PDE4B: variants seen among roughly 807,000 people sequenced by gnomAD.
The protein encoded by PDE4B is phosphodiesterase 4B.
In PDE4B, 20 loss-of-function variants were observed where a neutral mutation model predicts 82.2. That is an observed-to-expected ratio of 0.24 (90% CI 0.17 to 0.35). PDE4B has a LOEUF of 0.35. PDE4B is among the 10% of genes least tolerant of loss of function. The pLI, the probability that PDE4B is intolerant of heterozygous loss-of-function variation, is 1.00. For missense variants in PDE4B, 655 were observed against 907.2 expected, an observed-to-expected ratio of 0.72 and a Z score of 3.57; for synonymous variants, 320 against 318.9, an observed-to-expected ratio of 1.00 and a Z score of -0.04.
intron 10 of PDE4B, 139 bp downstream of exon 10, chr1:66,361,932 T>A: frequency 1.5e-6 from 1 of 647,954 alleles, no homozygotes. Context: ...ATGAAATGAC[T>A]TTACTGTGAG....
At chr1:66,250,673 A>C (rs536470258) in intron 4 of PDE4B, among the ~76,000 whole-genome samples, 1 of 152,202 alleles carries the variant, frequency 6.6e-6, no homozygotes, top group Non-Finnish European at 1.5e-5. Context: ...CCTGTGTTGT[A>C]GTCATCCCAA....
intron 3 of PDE4B, among the ~76,000 whole-genome samples, chr1:66,185,809 TC>T (rs777908816): frequency 1.3e-5 from 2 of 151,950 alleles, no homozygotes; most frequent in African/African-American, 2.4e-5. Flanking sequence ...GATGGTAGTT[TC>T]TTTTGCTGTG....
intron 3 of PDE4B, among the ~76,000 whole-genome samples, chr1:66,236,048 G>A (rs905607468): frequency 5.9e-5 from 9 of 152,112 alleles, no homozygotes; most frequent in South Asian, 2.1e-4. Flanking sequence ...AATTTATATC[G>A]TAAAAAGTAC....
chr1:65,920,480 T>G (rs769774384), intron 3 of PDE4B, among the ~76,000 whole-genome samples: 10 of 152,248 alleles, frequency 6.6e-5, no homozygotes, highest in Non-Finnish European at 1.5e-4. Context: ...TTGGGAGTTG[T>G]AGAATTGTTC....
chr1:66,214,290 CA>C (rs1380981790), intron 3 of PDE4B, among the ~76,000 whole-genome samples: 7 of 152,270 alleles, frequency 4.6e-5, no homozygotes, highest in African/African-American at 1.4e-4. Context: ...AAGGAAAGAT[CA>C]AAAGTATTCT....
At chr1:66,306,955 T>G (rs1658323757) in intron 7 of PDE4B, among the ~76,000 whole-genome samples, 1 of 152,176 alleles carries the variant, frequency 6.6e-6, no homozygotes, top group Non-Finnish European at 1.5e-5. Context: ...GGGAGGCATC[T>G]AAATGAAAAT....
At chr1:65,932,163 A>G (rs990847662) in intron 3 of PDE4B, among the ~76,000 whole-genome samples, 2 of 151,660 alleles carry the variant, frequency 1.3e-5, no homozygotes, top group Admixed American at 6.6e-5. Context: ...CTTGGGGCCA[A>G]TGAGAACAAA....
At position 66,266,741 on chromosome 1, in the gene PDE4B, T is replaced by C. The variant is rs371534279; in HGVS notation, c.634+654T>C. The C allele has an allele frequency of 7.2e-3, 3,678 of 514,234 alleles. 136 individuals are homozygous for C. The highest frequency in any genetic ancestry group is 0.052 in the South Asian group (3,569 of 68,044). The allele number at this position is 514,234 out of a possible 1,614,324, so 31.9% of individuals were successfully genotyped here. On this transcript the variant is annotated intron_variant, in intron 7 of 16. Coordinates refer to ENST00000341517, the MANE Select transcript of PDE4B (RefSeq NM_002600.4). ...GAAGGGCCACCTTGAAGGAACACCATGGAGTTCTGTTGGAACTGAAATTCT... is the reference window on the plus strand; with the variant it reads ...GAAGGGCCACCTTGAAGGAACACCACGGAGTTCTGTTGGAACTGAAATTCT...
At chr1:65,843,724 GT>G (rs1158385971) in intron 1 of PDE4B, among the ~76,000 whole-genome samples, 2 of 151,978 alleles carry the variant, frequency 1.3e-5, no homozygotes, top group Admixed American at 6.6e-5. Flanking sequence ...CAAATAAGAA[GT>G]TTTGTATCCA....
chr1:65,980,872 A>G (rs1569876230), intron 3 of PDE4B, among the ~76,000 whole-genome samples: 1 of 152,296 alleles, frequency 6.6e-6, no homozygotes, highest in Middle Eastern at 3.4e-3. Flanking sequence ...AAGATTAAAA[A>G]ACACAGTATC....
intron 3 of PDE4B, among the ~76,000 whole-genome samples, chr1:66,125,005 G>A (rs1645792849): frequency 1.3e-5 from 2 of 151,774 alleles, no homozygotes; most frequent in South Asian, 4.2e-4. Context: ...GAGCTGCCAG[G>A]ATAGACTCTG....
intron 3 of PDE4B, among the ~76,000 whole-genome samples, chr1:66,117,507 C>T (rs1487171156): frequency 6.6e-6 from 1 of 151,802 alleles, no homozygotes; most frequent in East Asian, 1.9e-4. Context: ...TGCTTGAGTG[C>T]AGTTGGAAGA....
At chr1:65,803,036 T>C (rs994159992) in intron 1 of PDE4B, among the ~76,000 whole-genome samples, 10 of 152,304 alleles carry the variant, frequency 6.6e-5, no homozygotes, top group African/African-American at 2.4e-4. Flanking sequence ...TAATGACATA[T>C]ATTAATATTA....
chr1:65,793,999 A>G (rs926321073), intron 1 of PDE4B, among the ~76,000 whole-genome samples: 1 of 152,170 alleles, frequency 6.6e-6, no homozygotes, highest in Non-Finnish European at 1.5e-5. Flanking sequence ...AAGCGTGTAT[A>G]AGGAGGAGCG....
chr1:66,184,105 G>T (rs527743278), intron 3 of PDE4B, among the ~76,000 whole-genome samples: 44 of 152,240 alleles, frequency 2.9e-4, no homozygotes, highest in Non-Finnish European at 5.4e-4. Context: ...GGTAGGTCAG[G>T]CTATTAGTGG....
chr1:66,107,634 A>T (rs1324673786), intron 3 of PDE4B, among the ~76,000 whole-genome samples: 2 of 152,038 alleles, frequency 1.3e-5, no homozygotes, highest in Non-Finnish European at 2.9e-5. Flanking sequence ...TGTTATGCAG[A>T]TATATTCACT....
At chr1:66,000,463 A>T (rs1022852331) in intron 3 of PDE4B, among the ~76,000 whole-genome samples, 10 of 152,154 alleles carry the variant, frequency 6.6e-5, no homozygotes, top group Non-Finnish European at 1.2e-4. Context: ...TAACCCTTGT[A>T]CTCTAGAAAA....
chr1:66,059,005 A>G (rs571132354), intron 3 of PDE4B, among the ~76,000 whole-genome samples: 15 of 152,184 alleles, frequency 9.9e-5, no homozygotes, highest in Non-Finnish European at 2.2e-4. Context: ...ATCCTTTATA[A>G]AACTGAATGC....
At chr1:66,200,285 C>T (rs1648776122) in intron 3 of PDE4B, among the ~76,000 whole-genome samples, 2 of 152,110 alleles carry the variant, frequency 1.3e-5, no homozygotes, top group Non-Finnish European at 2.9e-5. Context: ...AGCGTGATGC[C>T]TCCAGCTTTG....
Sources: gnomAD v4.1 joint callset for allele counts (sites outside exome capture counted in the v4.1 genomes callset) on GRCh38, gnomAD v4.1.1 for gene constraint, MANE v1.5 for transcripts, NCBI Gene and HGNC (gene_info 2026-07-23, HGNC 2026-07-21) for gene names.